UNC79: variants seen among roughly 807,000 people sequenced by gnomAD.
UNC79 encodes the protein unc-79 subunit of NALCN channel complex, also known as protein unc-79 homolog.
UNC79 carries 37 observed loss-of-function variants against 283.1 expected under a neutral mutation model. That is an observed-to-expected ratio of 0.13 (90% CI 0.10 to 0.17). The LOEUF (loss-of-function observed/expected upper bound fraction) is 0.17, where lower values mean the gene tolerates loss of function less well. Ranked by LOEUF, UNC79 falls within the 10% of genes least tolerant of loss-of-function variation. UNC79 has a pLI of 1.00. For missense variants in UNC79, 2,272 were observed against 3,211.1 expected (o/e 0.71, Z 7.07); for synonymous variants, 1,107 against 1,200.2 (o/e 0.92, Z 1.61).
At chr14:93,609,327 C>T (rs913709589) in intron 26 of UNC79, among the ~76,000 whole-genome samples, 2 of 152,180 alleles carry the variant, frequency 1.3e-5, no homozygotes, top group African/African-American at 2.4e-5. Flanking sequence ...AGAACGTTGA[C>T]CATTTCGGGT....
intron 45 of UNC79, 115 bp from the exon 49 acceptor site, chr14:93,691,634 T>C: frequency 9.8e-7 from 1 of 1,020,492 alleles, no homozygotes; most frequent in Non-Finnish European, 1.5e-6. Context: ...GATAACGTTA[T>C]GCCTTTGTGC....
chr14:93,558,219 G>A (rs1352980031), intron 14 of UNC79, among the ~76,000 whole-genome samples: 3 of 152,114 alleles, frequency 2.0e-5, no homozygotes, highest in Non-Finnish European at 4.4e-5. Flanking sequence ...CAGCAGATTC[G>A]CTACAACCTA....
intron 11 of UNC79, among the ~76,000 whole-genome samples, chr14:93,535,951 A>T (rs1053677134): frequency 6.6e-6 from 1 of 152,192 alleles, no homozygotes; most frequent in African/African-American, 2.4e-5. Context: ...CTGGTCACAG[A>T]TTATTTACAT....
chr14:93,582,477 A>T (rs753028478), intron 20 of UNC79, 133 bp downstream of exon 20: 11 of 1,278,344 alleles, frequency 8.6e-6, no homozygotes, highest in Non-Finnish European at 1.2e-5. Flanking sequence ...GTGCAGAGGA[A>T]CATCTCCCAG....
At chr14:93,486,799 A>G (rs2140457970) in intron 4 of UNC79, among the ~76,000 whole-genome samples, 1 of 152,302 alleles carries the variant, frequency 6.6e-6, no homozygotes, top group African/African-American at 2.4e-5. Flanking sequence ...AAGAAATTTA[A>G]TATGGTATTT....
At chr14:93,630,850 A>G (rs1417247478) in exon 31 of UNC79, 1 of 1,614,068 alleles carries the variant, frequency 6.2e-7, no homozygotes, top group Admixed American at 1.7e-5. Flanking sequence ...GAGAATCTTC[A>G]TCTGCCCCTA....
At chr14:93,345,294 A>G (rs895830538) in intron 1 of UNC79, among the ~76,000 whole-genome samples, 5 of 152,358 alleles carry the variant, frequency 3.3e-5, no homozygotes, top group South Asian at 4.1e-4. Flanking sequence ...AACAGCCTGA[A>G]CAGACTGAGA....
intron 16 of UNC79, 25 bp downstream of exon 16, chr14:93,572,841 T>G (rs761088735): frequency 6.2e-7 from 1 of 1,611,040 alleles, no homozygotes; most frequent in Non-Finnish European, 8.5e-7. Context: ...CTTTCGATCA[T>G]TTTAGGAAAT....
Position 93,474,190 on chromosome 14 carries a change from C to G in UNC79, c.245C>G (p.Ser82Cys). The change falls in exon 3 of 49, where the codon TCT becomes TGT. Residue 82 changes from serine (S) to cysteine (C), a missense_variant. Transcript: ENST00000555664. This position sits in a 1 kb window ranked among gnomAD's most constrained non-coding sequence, Gnocchi z 4.1. ...CCTGTGCCATTCCCACTCACCCCATCTCTAAGACCGCAGGTCAGTTCCATC... is the reference window on the plus strand; with the variant it reads ...CCTGTGCCATTCCCACTCACCCCATGTCTAAGACCGCAGGTCAGTTCCATC... The G allele has an allele frequency of 6.5e-7, 1 of 1,536,132 alleles. No individual in the cohort carries two copies. Among genetic ancestry groups the G allele is most frequent in the Non-Finnish European group, 8.7e-7 (1 of 1,146,874 alleles).
chr14:93,570,367 AG>A (rs956821377), intron 14 of UNC79, among the ~76,000 whole-genome samples: 7 of 152,198 alleles, frequency 4.6e-5, no homozygotes, highest in African/African-American at 1.7e-4. Flanking sequence ...CCTGTGTTCC[AG>A]GGCTTCTGAA....
At chr14:93,366,250 G>C (rs2054329735) in intron 1 of UNC79, among the ~76,000 whole-genome samples, 1 of 152,160 alleles carries the variant, frequency 6.6e-6, no homozygotes, top group Non-Finnish European at 1.5e-5. Flanking sequence ...TTCCTTGTCT[G>C]AGCAAAGATT....
At chr14:93,675,612 T>C (rs889079940) in intron 41 of UNC79, among the ~76,000 whole-genome samples, 1 of 152,202 alleles carries the variant, frequency 6.6e-6, no homozygotes, top group Non-Finnish European at 1.5e-5. Context: ...ACAACTCTTG[T>C]CATTTACTGT....
chr14:93,580,176 A>T, exon 19 of UNC79: 1 of 1,613,756 alleles, frequency 6.2e-7, no homozygotes. Context: ...TGGAATCACG[A>T]TGGGTTTAGA....
chr14:93,620,831 A>G (rs916111095), intron 29 of UNC79, 61 bp from the exon 31 acceptor site: 2 of 434,648 alleles, frequency 4.6e-6, no homozygotes, highest in Non-Finnish European at 9.2e-6. Context: ...ATGCTTGTGT[A>G]GACACAGCCT....
rs1009041602 is a variant in UNC79, at chr14:93,430,952, C to G, written c.-78C>G. 25 of 692,350 alleles carry G rather than the reference C, an allele frequency of 3.6e-5. No individual in the cohort carries two copies. Among genetic ancestry groups the G allele is most frequent in the Non-Finnish European group, 6.6e-5 (25 of 379,000 alleles). The allele number at this position is 692,350 out of a possible 1,614,324, so 42.9% of individuals were successfully genotyped here. On this transcript the variant is annotated 5_prime_UTR_variant, in exon 1 of 49. Coordinates refer to ENST00000555664, the Ensembl canonical transcript of UNC79. This position sits in a 1 kb window ranked among gnomAD's most constrained non-coding sequence, Gnocchi z 4.6. ...GGGGTGGGGGGTATGCACTCTTTTC[C>G]TCGCAACATCGCTGGCGGAGCGAGG...
chr14:93,559,516 C>G (rs1451975251), intron 14 of UNC79, among the ~76,000 whole-genome samples: 1 of 151,910 alleles, frequency 6.6e-6, no homozygotes, highest in East Asian at 1.9e-4. Context: ...AGGGGTGGGG[C>G]CATTTTATAG....
rs1040476923 is a variant in UNC79 at position 93,542,946 on chromosome 14, G to A, written c.1755+250G>A. Among the ~76,000 whole-genome samples the A allele has an allele frequency of 4.5e-5, 6 of 133,516 alleles. No homozygotes were observed. The East Asian group carries it at 9.1e-4, about 20-fold the overall frequency. 87.6% of individuals were successfully genotyped at this position (133,516 alleles called of 152,430 possible). On this transcript the variant is annotated intron_variant, in intron 14 of 48. Transcript: ENST00000555664. ...AGAATTTAAGGGACCATTCTTTCTC[G>A]ACATTGCTGATTTTTTTTTTTTTTG...
At chr14:93,613,302 G>A (rs1039665042) in intron 27 of UNC79, among the ~76,000 whole-genome samples, 5 of 139,624 alleles carry the variant, frequency 3.6e-5, no homozygotes, top group African/African-American at 8.5e-5. Flanking sequence ...GACTGCATGC[G>A]TGTGTGTGTG....
intron 42 of UNC79, among the ~76,000 whole-genome samples, chr14:93,686,244 C>G (rs2074229517): frequency 6.6e-6 from 1 of 152,158 alleles, no homozygotes; most frequent in Admixed American, 6.5e-5. Flanking sequence ...ATGCTAATGG[C>G]ATGACATAGG....
Sources: allele counts gnomAD v4.1 joint callset (sites outside exome capture counted in the v4.1 genomes callset), GRCh38; gene constraint gnomAD v4.1.1; non-coding constraint Gnocchi (gnomAD v3.1); transcripts MANE v1.5; gene names NCBI Gene and HGNC (gene_info 2026-07-23, HGNC 2026-07-21).